Variants in SH3PXD2B observed in about 807,000 individuals in gnomAD.
The protein encoded by SH3PXD2B is SH3 and PX domain-containing protein 2B.
In SH3PXD2B, 37 loss-of-function variants were observed where a neutral mutation model predicts 73.1. The ratio of observed to expected loss-of-function variants is 0.51; its 90% CI spans 0.39 to 0.67. SH3PXD2B has a LOEUF of 0.67. Ranked by LOEUF, SH3PXD2B falls within the 30% of genes least tolerant of loss-of-function variation. The probability of loss-of-function intolerance (pLI) is 0.00; values close to 1 mark genes in which losing one functional copy is unlikely to be tolerated. For missense variants in SH3PXD2B, 1,053 were observed against 1,197.8 expected, an observed-to-expected ratio of 0.88 and a Z score of 1.78; for synonymous variants, 457 against 480.5, an observed-to-expected ratio of 0.95 and a Z score of 0.64.
rs1756749435 is a variant in SH3PXD2B at position 172,338,222 on chromosome 5, C to A, written c.*147G>T. The A allele has an allele frequency of 1.4e-5, 22 of 1,541,934 alleles. No homozygotes were observed. In the South Asian group the frequency reaches 1.8e-4, roughly 13 times the overall value. On this transcript the variant is annotated 3_prime_UTR_variant, in exon 13 of 13. Coordinates refer to ENST00000311601, the MANE Select transcript of SH3PXD2B (RefSeq NM_001017995.3). The surrounding 1 kb of genome is among the most constrained non-coding windows in gnomAD (Gnocchi z 5.1). ...GCGCCCGAGGTGTCCGAAACTCACT[C>A]TCCACCCATGGGAGGCAAGAAGTCA... is the stretch of plus-strand genomic sequence containing the variant.
At position 172,335,831 on chromosome 5, in the gene SH3PXD2B, A is replaced by G. The variant is rs114974765; in HGVS notation, c.*2538T>C. The G allele has an allele frequency of 1.0e-4, 125 of 1,228,938 alleles. No homozygotes were observed. The African/African-American group carries it at 1.7e-3, about 17-fold the overall frequency. 76.1% of individuals were successfully genotyped at this position (1,228,938 alleles called of 1,614,324 possible). On this transcript the variant is annotated 3_prime_UTR_variant, in exon 13 of 13. Transcript: ENST00000311601. ...TTGTAGGAAAAGGAGCTGGATACAG[A>G]CGTCCTCAGGCCATAGATATGACTC... is the stretch of plus-strand genomic sequence containing the variant.
At chr5:172,348,654 C>CTTATCTTATCTTAT (rs1440672001) in intron 10 of SH3PXD2B, among the ~76,000 whole-genome samples, 1 of 60,398 alleles carries the variant, frequency 1.7e-5, no homozygotes, top group South Asian at 7.4e-4. Context: ...ATCTATCTAT[C>CTTATCTTATCTTAT]CTATCTATCT....
intron 2 of SH3PXD2B, among the ~76,000 whole-genome samples, chr5:172,420,341 T>C (rs1396136820): frequency 6.6e-6 from 1 of 152,252 alleles, no homozygotes; most frequent in Non-Finnish European, 1.5e-5. Context: ...AACTGGTGTC[T>C]CACTTGCTTT....
intron 2 of SH3PXD2B, 42 bp from the exon 3 acceptor site, chr5:172,406,394 T>A (rs1581314354): frequency 3.2e-6 from 5 of 1,587,136 alleles, no homozygotes; most frequent in Non-Finnish European, 4.3e-6. Flanking sequence ...CCTTTCATAA[T>A]GCACTAAACA....
intron 1 of SH3PXD2B, among the ~76,000 whole-genome samples, chr5:172,438,869 C>T (rs534331702): frequency 4.0e-5 from 6 of 151,538 alleles, no homozygotes; most frequent in African/African-American, 1.5e-4. Flanking sequence ...TGCGTTACAC[C>T]ACAAAAGGGA....
chr5:172,453,222 AT>A (rs1345653404), intron 1 of SH3PXD2B, among the ~76,000 whole-genome samples: 1 of 151,644 alleles, frequency 6.6e-6, no homozygotes. Context: ...CTTTGTTAGG[AT>A]TTTTTCCCTC....
In SH3PXD2B at chr5:172,333,945, A is replaced by G. The variant is rs558486252; in HGVS notation, c.*4424T>C. On this transcript the variant is annotated 3_prime_UTR_variant, in exon 13 of 13. Transcript: ENST00000311601. ...CACACTGGGGTAAAATGTGGACACC[A>G]TCGTTGCATTAGAATTGCTTATTGC... is the stretch of plus-strand genomic sequence containing the variant. 6.8e-5 allele frequency: 84 copies of G among 1,239,386 alleles called. No homozygotes were observed. The African/African-American group carries it at 1.2e-3, about 18-fold the overall frequency. 76.8% of individuals were successfully genotyped at this position (1,239,386 alleles called of 1,614,324 possible). A position where few individuals can be genotyped will look rare whatever the true frequency, so the allele number is the denominator to read the frequency against.
Position 172,338,801 on chromosome 5 carries a change from G to A in SH3PXD2B, c.2304C>T (p.Thr768=). Residue 768 remains threonine (T), a synonymous_variant, in exon 13 of 13, where the codon ACC becomes ACT. Coordinates refer to ENST00000311601, the MANE Select transcript of SH3PXD2B (RefSeq NM_001017995.3). The surrounding 1 kb of genome is among the most constrained non-coding windows in gnomAD (Gnocchi z 5.1). The stretch of plus-strand genomic sequence containing the variant: ...CTGGGAGCGGCCTGGATGACGAAGA[G>A]GTTTTCTTTGGGGGAGGTGGTCTGC... ...PPRRPPPPKK[T]SSSSRPLPEV... 7 of 1,614,184 alleles carry A rather than the reference G, an allele frequency of 4.3e-6. No individual in the cohort carries two copies. Among genetic ancestry groups the A allele is most frequent in the Non-Finnish European group, 5.9e-6 (7 of 1,180,022 alleles).
intron 1 of SH3PXD2B, among the ~76,000 whole-genome samples, chr5:172,439,708 A>G (rs867814671): frequency 1.5e-4 from 22 of 142,448 alleles, no homozygotes; most frequent in African/African-American, 4.9e-4. Flanking sequence ...ACACACACAC[A>G]CACACACACA....
Position 172,336,556 on chromosome 5 carries a change from G to A in SH3PXD2B, c.*1813C>T, listed in dbSNP as rs984826567. The stretch of plus-strand genomic sequence containing the variant: ...GATAGGGGGTGGAGCTGGGAGGCGC[G>A]GCAGAAGAGGGCTGTTCAAGCAAAA... On this transcript the variant is annotated 3_prime_UTR_variant, in exon 13 of 13. Coordinates refer to ENST00000311601, the MANE Select transcript of SH3PXD2B (RefSeq NM_001017995.3). 22 of 985,976 alleles carry A rather than the reference G, an allele frequency of 2.2e-5. No individual in the cohort carries two copies. Among genetic ancestry groups the A allele is most frequent in the Non-Finnish European group, 2.5e-5 (21 of 830,066 alleles). 61.1% of individuals were successfully genotyped at this position (985,976 alleles called of 1,614,324 possible). A position where few individuals can be genotyped will look rare whatever the true frequency, so the allele number is the denominator to read the frequency against.
intron 3 of SH3PXD2B, among the ~76,000 whole-genome samples, chr5:172,403,501 G>GCGGGGTCCTGGGGTCCA (rs1317676670): frequency 1.6e-4 from 10 of 63,028 alleles, no homozygotes; most frequent in Non-Finnish European, 3.0e-4. Flanking sequence ...CTGGGGTCCA[G>GCGGGGTCCTGGGGTCCA]CAGGACCTCT....
At chr5:172,452,506 G>A (rs1233583552) in intron 1 of SH3PXD2B, among the ~76,000 whole-genome samples, 2 of 152,172 alleles carry the variant, frequency 1.3e-5, no homozygotes, top group Admixed American at 1.3e-4. Context: ...CTACATCCCT[G>A]CTTGGCTCTT....
At chr5:172,442,612 G>T (rs1206539374) in intron 1 of SH3PXD2B, among the ~76,000 whole-genome samples, 1 of 152,136 alleles carries the variant, frequency 6.6e-6, no homozygotes. Flanking sequence ...TCCTTAATTA[G>T]AGTCTGTTTC....
Position 172,442,054 on chromosome 5 carries a change from A to G in SH3PXD2B, c.75+12224T>C, listed in dbSNP as rs72846988. 8.1e-3 allele frequency among the ~76,000 whole-genome samples: 1,227 copies of G among 152,304 alleles called. 10 individuals carry two copies. Among genetic ancestry groups the G allele is most frequent in the Non-Finnish European group, 0.013 (887 of 68,020 alleles). ...AAAACTTGGGTAGTAAATAAAATGT[A>G]GACAATTTACCGTAATCACTAACAA... On this transcript the variant is annotated intron_variant, in intron 1 of 12. Transcript: ENST00000311601.
At chr5:172,341,720 G>A (rs1217116241) in intron 12 of SH3PXD2B, among the ~76,000 whole-genome samples, 3 of 152,060 alleles carry the variant, frequency 2.0e-5, no homozygotes, top group Admixed American at 1.3e-4. Context: ...GCACTATCTC[G>A]GCTCACTGCA....
chr5:172,382,628 T>C (rs936662747), intron 4 of SH3PXD2B, among the ~76,000 whole-genome samples: 3 of 152,172 alleles, frequency 2.0e-5, no homozygotes, highest in Non-Finnish European at 4.4e-5. Flanking sequence ...GTTCAAGTAA[T>C]ATGTCCATAT....
intron 2 of SH3PXD2B, among the ~76,000 whole-genome samples, 186 bp from the exon 3 acceptor site, chr5:172,406,538 C>T (rs1417874076): frequency 6.6e-6 from 1 of 152,134 alleles, no homozygotes; most frequent in East Asian, 1.9e-4. Flanking sequence ...CCCATGAAAA[C>T]AATGTTTATA....
chr5:172,452,175 G>A (rs1408577095), intron 1 of SH3PXD2B, among the ~76,000 whole-genome samples: 1 of 152,118 alleles, frequency 6.6e-6, no homozygotes, highest in Non-Finnish European at 1.5e-5. Flanking sequence ...CCATTACACA[G>A]ATGAAAAAAC....
At chr5:172,415,821 G>A (rs1320229650) in intron 2 of SH3PXD2B, among the ~76,000 whole-genome samples, 1 of 152,166 alleles carries the variant, frequency 6.6e-6, no homozygotes, top group Non-Finnish European at 1.5e-5. Context: ...AGAGAGGCTG[G>A]GTGACCATCC....
Sources: gnomAD v4.1 joint callset for allele counts (sites outside exome capture counted in the v4.1 genomes callset) on GRCh38, gnomAD v4.1.1 for gene constraint, Gnocchi (gnomAD v3.1) non-coding constraint, MANE v1.5 for transcripts, NCBI Gene and HGNC (gene_info 2026-07-23, HGNC 2026-07-21) for gene names.